The following WDR19 variants were observed in gnomAD, a reference collection of about 807,000 sequenced individuals.
WDR19 encodes WD repeat domain 19.
A neutral mutation model predicts 180.0 loss-of-function variants in WDR19; 121 were observed. The observed-to-expected ratio is 0.67, with a 90% CI of 0.58 to 0.78. The LOEUF is 0.78. Ranked by LOEUF, WDR19 falls within the 30% of genes least tolerant of loss-of-function variation. The pLI is 0.00. For synonymous variants in WDR19, 497 were observed against 540.7 expected, an observed-to-expected ratio of 0.92 and a Z score of 1.12; for missense variants, 1,450 against 1,640.7, an observed-to-expected ratio of 0.88 and a Z score of 2.01.
intron 10 of WDR19, 81 bp downstream of exon 10, chr4:39,214,752 G>T: frequency 3.4e-6 from 3 of 887,908 alleles, no homozygotes; most frequent in South Asian, 1.7e-5. Context: ...CGTGTGATTT[G>T]CATTCGTTGT....
At chr4:39,250,373 A>G (rs1056766193) in intron 24 of WDR19, among the ~76,000 whole-genome samples, 3 of 152,214 alleles carry the variant, frequency 2.0e-5, no homozygotes, top group Admixed American at 1.3e-4. Context: ...AATAAGAGCT[A>G]TCTATGACCA....
chr4:39,249,441 A>C (rs1732897645), intron 24 of WDR19, among the ~76,000 whole-genome samples: 1 of 152,140 alleles, frequency 6.6e-6, no homozygotes, highest in Admixed American at 6.5e-5. Context: ...AGAACTAGAG[A>C]AGCAAGAGCA....
In WDR19 at chr4:39,233,402, A is replaced by G. The variant is rs531047468; in HGVS notation, c.2253+1130A>G. Among the ~76,000 whole-genome samples, 93 of 152,278 alleles carry G rather than the reference A, an allele frequency of 6.1e-4. 1 individual carries two copies. Among genetic ancestry groups the G allele is most frequent in the Admixed American group, 1.8e-3 (27 of 15,304 alleles). ...TGGACATGTTATTTAACCTTTCTGA[A>G]CCCTAGATCCTATTTCTTTAAAGTA... On this transcript the variant is annotated intron_variant, in intron 19 of 36. Coordinates refer to ENST00000399820, the MANE Select transcript of WDR19 (RefSeq NM_025132.4).
chr4:39,199,887 A>T (rs905626342), intron 6 of WDR19, among the ~76,000 whole-genome samples: 1 of 152,184 alleles, frequency 6.6e-6, no homozygotes, highest in African/African-American at 2.4e-5. Context: ...CTCTTATTTT[A>T]TATATGTGTA....
intron 5 of WDR19, among the ~76,000 whole-genome samples, chr4:39,198,911 T>C (rs752089906): frequency 4.0e-5 from 6 of 151,488 alleles, no homozygotes; most frequent in Non-Finnish European, 8.8e-5. Context: ...GGCGGAAGAA[T>C]TGCTTGAACC....
At chr4:39,196,373 C>T (rs1726751973) in intron 5 of WDR19, among the ~76,000 whole-genome samples, 1 of 152,198 alleles carries the variant, frequency 6.6e-6, no homozygotes, top group Non-Finnish European at 1.5e-5. Context: ...AATTTAGTAT[C>T]TCCAAAACCT....
chr4:39,218,115 G>T lies in WDR19; in HGVS notation c.1479+10G>T. ...CATCTATGGTACAGATGTATGTATT[G>T]CCTTCTTTTTTAGAGAACACTGGGA... On this transcript the variant is annotated intron_variant, in intron 14 of 36. Coordinates refer to ENST00000399820, the MANE Select transcript of WDR19 (RefSeq NM_025132.4). The T allele has an allele frequency of 1.9e-6, 3 of 1,591,882 alleles. No individual in the cohort carries two copies. The highest frequency in any genetic ancestry group is 1.7e-6 in the Non-Finnish European group (2 of 1,169,390).
chr4:39,278,226 A>G lies in WDR19; in HGVS notation c.3917+19A>G. 6.3e-7 allele frequency: 1 copy of G among 1,578,126 alleles called. No individual in the cohort carries two copies. Among genetic ancestry groups the G allele is most frequent in the Admixed American group, 1.8e-5 (1 of 54,550 alleles). On this transcript the variant is annotated intron_variant, in intron 35 of 36. Transcript: ENST00000399820. ...TGAAGATGTAAGTGTGCATCACGTC[A>G]CTCAGTCTCACTGATTTCTCCCGAC...
At chr4:39,251,108 A>G (rs947312858) in intron 24 of WDR19, among the ~76,000 whole-genome samples, 3 of 152,156 alleles carry the variant, frequency 2.0e-5, no homozygotes, top group Non-Finnish European at 2.9e-5. Flanking sequence ...ACTTCAAACT[A>G]TACTACAAGG....
At chr4:39,208,128 TA>T (rs1433160773) in intron 9 of WDR19, among the ~76,000 whole-genome samples, 5 of 151,704 alleles carry the variant, frequency 3.3e-5, no homozygotes, top group African/African-American at 1.2e-4. Flanking sequence ...GCACAATAGA[TA>T]AATTAAAATG....
At position 39,235,410 on chromosome 4, in the gene WDR19, G is replaced by A. The variant is rs139199384; in HGVS notation, c.2363+535G>A. On this transcript the variant is annotated intron_variant, in intron 20 of 36. Transcript: ENST00000399820. ...CTCCCAAAGTGCTAGGATTATAAGC[G>A]TGAGCCACTACGCCCAGCCTAATTA... 1.1e-4 allele frequency among the ~76,000 whole-genome samples: 17 copies of A among 152,258 alleles called. No homozygotes were observed. The East Asian group carries it at 1.4e-3, about 12-fold the overall frequency.
intron 30 of WDR19, among the ~76,000 whole-genome samples, chr4:39,268,404 T>C (rs755578530): frequency 2.0e-4 from 30 of 152,130 alleles, no homozygotes; most frequent in Non-Finnish European, 5.9e-5. Context: ...CTTCCTACAG[T>C]CTCACGGCAT....
chr4:39,281,691 TAAAAC>T (rs1736557010), intron 36 of WDR19, among the ~76,000 whole-genome samples: 2 of 152,310 alleles, frequency 1.3e-5, no homozygotes, highest in South Asian at 2.1e-4. Flanking sequence ...TTTAGCATCT[TAAAAC>T]AACACACATT....
chr4:39,241,561 G>C (rs933382090), intron 21 of WDR19, among the ~76,000 whole-genome samples: 1 of 150,510 alleles, frequency 6.6e-6, no homozygotes, highest in Non-Finnish European at 1.5e-5. Context: ...CCAGCACTTT[G>C]GGAGGCTGAG....
intron 36 of WDR19, among the ~76,000 whole-genome samples, chr4:39,281,205 A>ATATGTGTGTGTGTG (rs1553919960): frequency 4.5e-5 from 5 of 110,472 alleles, no homozygotes; most frequent in Non-Finnish European, 8.7e-5. Context: ...CTAAATATAT[A>ATATGTGTGTGTGTG]TGTGTGTGTG....
chr4:39,195,100 G>T (rs1171180121), intron 5 of WDR19, among the ~76,000 whole-genome samples: 3 of 152,128 alleles, frequency 2.0e-5, no homozygotes, highest in African/African-American at 7.2e-5. Flanking sequence ...GTCCGTGGTG[G>T]CTCACGCCTG....
chr4:39,214,779 T>TC (rs1728891954), intron 10 of WDR19, 108 bp downstream of exon 10: 1 of 690,444 alleles, frequency 1.4e-6, no homozygotes, highest in East Asian at 2.9e-5. Context: ...AATAATTTTT[T>TC]TTTTTTTTTT....
At chr4:39,270,524 C>T (rs1343712138) in intron 31 of WDR19, among the ~76,000 whole-genome samples, 6 of 151,928 alleles carry the variant, frequency 3.9e-5, no homozygotes, top group African/African-American at 1.2e-4. Context: ...TACAGGCACA[C>T]ACCACCACAC....
At chr4:39,284,047 G>T (rs1471014207) in intron 36 of WDR19, among the ~76,000 whole-genome samples, 1 of 152,104 alleles carries the variant, frequency 6.6e-6, no homozygotes, top group Non-Finnish European at 1.5e-5. Flanking sequence ...TTGCCTGGGT[G>T]TGGTTTTTAA....
Sources: allele counts gnomAD v4.1 joint callset (sites outside exome capture counted in the v4.1 genomes callset), GRCh38; gene constraint gnomAD v4.1.1; transcripts MANE v1.5; gene names NCBI Gene and HGNC (gene_info 2026-07-23, HGNC 2026-07-21).